The following POT1 variants were observed in gnomAD, a reference collection of about 807,000 sequenced individuals.
POT1 encodes the protein protection of telomeres protein 1.
Under a neutral mutation model 78.5 loss-of-function variants are expected in POT1, and 47 were observed. The observed-to-expected ratio is 0.60, with a 90% CI of 0.47 to 0.76. POT1 has a LOEUF of 0.76. Ranked by LOEUF, POT1 falls within the 30% of genes least tolerant of loss-of-function variation. The pLI is 0.00. For missense variants in POT1, 646 were observed against 749.9 expected (o/e 0.86, Z 1.62); for synonymous variants, 259 against 260.7 (o/e 0.99, Z 0.06).
intron 8 of POT1, 81 bp downstream of exon 8, chr7:124,863,269 C>T: frequency 7.4e-7 from 1 of 1,344,230 alleles, no homozygotes; most frequent in Non-Finnish European, 1.0e-6. Flanking sequence ...TGCTTTATCT[C>T]ATCAGAATGC....
intron 6 of POT1, among the ~76,000 whole-genome samples, chr7:124,887,199 A>AGGGAACCTTGTTTGTGCTTAAT: frequency 6.6e-6 from 1 of 152,100 alleles, no homozygotes; most frequent in Admixed American, 6.6e-5. Context: ...GGAAATGAAG[A>AGGGAACCTTGTTTGTGCTTAAT]CTCTGGGAAT....
At chr7:124,870,380 G>T (rs982763233) in intron 7 of POT1, among the ~76,000 whole-genome samples, 2 of 151,800 alleles carry the variant, frequency 1.3e-5, no homozygotes, top group African/African-American at 2.4e-5. Context: ...CTTACATTTA[G>T]TTATTTAACT....
intron 7 of POT1, among the ~76,000 whole-genome samples, chr7:124,868,510 A>C (rs1039267430): frequency 6.6e-6 from 1 of 152,038 alleles, no homozygotes; most frequent in Admixed American, 6.6e-5. Flanking sequence ...TAAAATAGAT[A>C]AGAAATAAAA....
intron 11 of POT1, among the ~76,000 whole-genome samples, chr7:124,851,388 T>A (rs760144842): frequency 6.6e-6 from 1 of 152,186 alleles, no homozygotes; most frequent in Non-Finnish European, 1.5e-5. Flanking sequence ...CAGATTTGAC[T>A]AGTCACTTAT....
intron 8 of POT1, among the ~76,000 whole-genome samples, chr7:124,859,677 A>C (rs1391309915): frequency 6.6e-6 from 1 of 151,632 alleles, no homozygotes; most frequent in East Asian, 1.9e-4. Flanking sequence ...GAGACATACA[A>C]ATTACCCACC....
In POT1 at chr7:124,929,802, TAGAA is replaced by T. The variant is rs1797364418; in HGVS notation, c.-424_-421del. 2 of 152,216 alleles carry T rather than the reference TAGAA, an allele frequency of 1.3e-5. No homozygotes were observed. Among genetic ancestry groups the T allele is most frequent in the South Asian group, 4.1e-4 (2 of 4,836 alleles). The allele number at this position is 152,216 out of a possible 1,614,324, so 9.4% of individuals were successfully genotyped here. On this transcript the variant is annotated 5_prime_UTR_variant, in exon 1 of 19. Coordinates refer to ENST00000357628, the MANE Select transcript of POT1 (RefSeq NM_015450.3). Reference sequence around the variant, plus strand: ...TTACAAATTTCACTCACCCGTACTCTAGAAAGAACCCTAGGAAGAGTTTAGGCGG... The same window carrying T: ...TTACAAATTTCACTCACCCGTACTCTAGAACCCTAGGAAGAGTTTAGGCGG...
At chr7:124,841,843 A>G (rs1219353062) in intron 13 of POT1, among the ~76,000 whole-genome samples, 1 of 151,992 alleles carries the variant, frequency 6.6e-6, no homozygotes, top group African/African-American at 2.4e-5. Context: ...ACAAAATTCA[A>G]TAAACCAAAG....
At chr7:124,868,453 G>C (rs1445040053) in intron 7 of POT1, among the ~76,000 whole-genome samples, 1 of 151,900 alleles carries the variant, frequency 6.6e-6, no homozygotes, top group Admixed American at 6.6e-5. Flanking sequence ...AAGGAAACAG[G>C]CAAATCCTCT....
intron 7 of POT1, among the ~76,000 whole-genome samples, chr7:124,866,455 C>CAGTTCAACCAT (rs879289417): frequency 1.7e-3 from 266 of 152,316 alleles, no homozygotes; most frequent in Middle Eastern, 3.4e-3. Context: ...AGTTCAACCA[C>CAGTTCAACCAT]ACAGCAGCTT....
chr7:124,835,929 G>A (rs1794890987), intron 14 of POT1, among the ~76,000 whole-genome samples: 1 of 152,146 alleles, frequency 6.6e-6, no homozygotes, highest in African/African-American at 2.4e-5. Context: ...GACAGAGTAA[G>A]CATTCAAATG....
chr7:124,892,530 A>C (rs1316587924), intron 5 of POT1, 150 bp from the exon 6 acceptor site: 2 of 439,598 alleles, frequency 4.5e-6, no homozygotes, highest in Non-Finnish European at 8.0e-6. Flanking sequence ...CAATGCACAC[A>C]GCTTAGCTTA....
intron 3 of POT1, among the ~76,000 whole-genome samples, chr7:124,908,259 T>C (rs746698959): frequency 3.3e-5 from 5 of 152,158 alleles, no homozygotes; most frequent in South Asian, 2.1e-4. Context: ...AGTGCAGTGA[T>C]TGACAGAAAA....
chr7:124,862,825 A>C (rs1480125445), intron 8 of POT1, among the ~76,000 whole-genome samples: 1 of 152,206 alleles, frequency 6.6e-6, no homozygotes, highest in Non-Finnish European at 1.5e-5. Context: ...GGATAGGTAT[A>C]TACAGAGATT....
chr7:124,829,305 G>C lies in POT1; in HGVS notation c.1543C>G (p.Leu515Val). ...GATGTTTTATCAACCAGGGAATTTA[G>C]ATTTTGTATGGATCTCAAACTAGAA... ...QCSSLRSIQN[L>V]NSLVDKTSWI... Residue 515 changes from leucine to valine, a missense_variant, in exon 16 of 19, where the codon CTA becomes GTA. Coordinates refer to ENST00000357628, the MANE Select transcript of POT1 (RefSeq NM_015450.3). 1 of 1,602,964 alleles carries C rather than the reference G, an allele frequency of 6.2e-7. No individual in the cohort carries two copies. The highest frequency in any genetic ancestry group is 2.2e-5 in the East Asian group (1 of 44,766).
chr7:124,900,608 T>C (rs1181722599), intron 3 of POT1, among the ~76,000 whole-genome samples: 2 of 152,036 alleles, frequency 1.3e-5, no homozygotes, highest in African/African-American at 2.4e-5. Context: ...GGGTGATTTC[T>C]GCATTTCCAA....
Position 124,870,983 on chromosome 7 carries a change from G to C in POT1, c.183C>G (p.Leu61=), listed in dbSNP as rs1455799309. The change falls in exon 7 of 19, where the codon CTC becomes CTG. Residue 61 remains leucine (L), a synonymous_variant. Transcript: ENST00000357628. ...DQTNVKLTCL[L]FSGNYEALPI... Reference sequence around the variant, plus strand: ...GAAGGGCTTCATAGTTTCCACTAAAGAGCAGGCAAGTTAGTTTTACATTTG... The same window carrying C: ...GAAGGGCTTCATAGTTTCCACTAAACAGCAGGCAAGTTAGTTTTACATTTG... The C allele has an allele frequency of 6.2e-7, 1 of 1,610,456 alleles. No individual in the cohort carries two copies. Among genetic ancestry groups the C allele is most frequent in the Non-Finnish European group, 8.5e-7 (1 of 1,177,746 alleles).
At chr7:124,900,384 T>C (rs1217972110) in intron 3 of POT1, among the ~76,000 whole-genome samples, 1 of 152,052 alleles carries the variant, frequency 6.6e-6, no homozygotes, top group Non-Finnish European at 1.5e-5. Flanking sequence ...ACAGATTCTC[T>C]CTCAGAAACA....
At chr7:124,860,756 C>T (rs57458159) in intron 8 of POT1, among the ~76,000 whole-genome samples, 91,073 of 151,702 alleles carry the variant, frequency 0.6, 27,475 homozygotes, top group African/African-American at 0.64. Context: ...ATCTCTCCCC[C>T]AGCCCCCTAC....
At chr7:124,875,681 T>A (rs893752490) in intron 6 of POT1, among the ~76,000 whole-genome samples, 2 of 152,156 alleles carry the variant, frequency 1.3e-5, no homozygotes, top group Non-Finnish European at 2.9e-5. Flanking sequence ...ATATCCTATA[T>A]AAAGTTTCTC....
Sources: gnomAD v4.1 joint callset for allele counts (sites outside exome capture counted in the v4.1 genomes callset) on GRCh38, gnomAD v4.1.1 for gene constraint, MANE v1.5 for transcripts, NCBI Gene and HGNC (gene_info 2026-07-23, HGNC 2026-07-21) for gene names.